SLC23A2: variants seen among roughly 807,000 people sequenced by gnomAD.
SLC23A2 encodes Na(+)/L-ascorbic acid transporter 2.
SLC23A2 carries 36 observed loss-of-function variants against 73.3 expected under a neutral mutation model. The ratio of observed to expected loss-of-function variants is 0.49; its 90% CI spans 0.38 to 0.65. The LOEUF is 0.65. Among genes scored for constraint, SLC23A2 ranks in the 30% least tolerant of loss-of-function variants. SLC23A2 has a pLI of 0.00. For synonymous variants in SLC23A2, 343 were observed against 327.3 expected, an observed-to-expected ratio of 1.05 and a Z score of -0.52; for missense variants, 507 against 841.6, an observed-to-expected ratio of 0.60 and a Z score of 4.92.
chr20:4,892,069 G>C (rs1032848379), intron 6 of SLC23A2, among the ~76,000 whole-genome samples: 9 of 151,498 alleles, frequency 5.9e-5, no homozygotes, highest in African/African-American at 1.9e-4. Flanking sequence ...ACAGTCTTAT[G>C]GTTAGTTTAC....
Position 4,912,980 on chromosome 20 carries a change from T to C in SLC23A2, c.109-2A>G. 6.2e-7 allele frequency: 1 copy of C among 1,600,222 alleles called. No individual in the cohort carries two copies. The highest frequency in any genetic ancestry group is 2.2e-5 in the East Asian group (1 of 44,808). On this transcript the variant is annotated splice_acceptor_variant, in intron 3 of 16. Transcript: ENST00000338244. LOFTEE classifies it high-confidence loss of function. ...GGTGGCGCCTCCATTTATCACCACC[T>C]GCAGAGACAATCCACTTAGAGGCTG... is the stretch of plus-strand genomic sequence containing the variant.
intron 3 of SLC23A2, among the ~76,000 whole-genome samples, chr20:4,921,357 C>T (rs114208932): frequency 2.0e-5 from 3 of 152,048 alleles, no homozygotes; most frequent in African/African-American, 7.2e-5. Context: ...TTTGGGAGAC[C>T]AATCACTTGA....
rs112220143 is a variant in SLC23A2, at chr20:4,854,206, C to T, written c.*2766G>A. On this transcript the variant is annotated 3_prime_UTR_variant, in exon 17 of 17. Transcript: ENST00000338244. ...GGGTGGTGGTTCAAAGCCCCAGCAA[C>T]GCAGGCCAATGATGTGAATGGGAAG... 3.9e-5 allele frequency: 6 copies of T among 152,200 alleles called. No individual in the cohort carries two copies. Among genetic ancestry groups the T allele is most frequent in the African/African-American group, 9.7e-5 (4 of 41,432 alleles). 9.4% of individuals were successfully genotyped at this position (152,200 alleles called of 1,614,324 possible).
intron 4 of SLC23A2, among the ~76,000 whole-genome samples, chr20:4,912,215 G>A (rs983069368): frequency 4.6e-5 from 7 of 151,768 alleles, no homozygotes; most frequent in African/African-American, 7.3e-5. Context: ...GAGATGGAAC[G>A]AGGCACAGAG....
At chr20:4,905,400 G>A (rs1471907042) in intron 4 of SLC23A2, among the ~76,000 whole-genome samples, 1 of 152,134 alleles carries the variant, frequency 6.6e-6, no homozygotes, top group East Asian at 1.9e-4. Flanking sequence ...TACGCACTGT[G>A]GCGCCACACT....
intron 1 of SLC23A2, among the ~76,000 whole-genome samples, chr20:4,988,876 A>G (rs1239779334): frequency 6.6e-6 from 1 of 151,852 alleles, no homozygotes; most frequent in African/African-American, 2.4e-5. Context: ...GCGCCATTGC[A>G]CTCCAGCTGA....
At chr20:4,898,506 C>T (rs1319771544) in intron 6 of SLC23A2, among the ~76,000 whole-genome samples, 2 of 152,220 alleles carry the variant, frequency 1.3e-5, no homozygotes, top group Non-Finnish European at 2.9e-5. Context: ...CCTTACTCAG[C>T]CTGTCTCTGA....
intron 2 of SLC23A2, among the ~76,000 whole-genome samples, chr20:4,960,885 T>C (rs1404464842): frequency 1.3e-5 from 2 of 152,226 alleles, no homozygotes; most frequent in Non-Finnish European, 2.9e-5. Flanking sequence ...TTTCATTCTT[T>C]AGTTTTCTTT....
chr20:4,881,320 A>AC (rs1189852978), intron 9 of SLC23A2, among the ~76,000 whole-genome samples: 1 of 152,156 alleles, frequency 6.6e-6, no homozygotes, highest in Admixed American at 6.5e-5. Context: ...GGAACTATCC[A>AC]CCATCAAAGA....
chr20:4,948,880 A>C (rs1420127483), intron 2 of SLC23A2, among the ~76,000 whole-genome samples: 1 of 152,224 alleles, frequency 6.6e-6, no homozygotes, highest in East Asian at 1.9e-4. Flanking sequence ...AGAATTAAAA[A>C]TATATCTGCA....
chr20:4,933,027 C>T (rs571082141), intron 2 of SLC23A2, among the ~76,000 whole-genome samples: 1 of 152,266 alleles, frequency 6.6e-6, no homozygotes, highest in South Asian at 2.1e-4. Context: ...CATAACCCAG[C>T]ACTACCTAAT....
intron 3 of SLC23A2, among the ~76,000 whole-genome samples, chr20:4,922,136 C>G (rs1416696966): frequency 1.3e-5 from 2 of 152,116 alleles, no homozygotes; most frequent in East Asian, 1.9e-4. Flanking sequence ...AACTAAGAAG[C>G]CTGCCTACCT....
rs3055958 is a variant in SLC23A2, at chr20:4,998,606, ATGAGG to A, written c.-282+2795_-282+2799del. Among the ~76,000 whole-genome samples, 48,998 of 151,570 alleles carry A rather than the reference ATGAGG, an allele frequency of 0.32. 8,629 individuals are homozygous for A. Among genetic ancestry groups the A allele is most frequent in the Admixed American group, 0.4 (6,080 of 15,174 alleles). On this transcript the variant is annotated intron_variant, in intron 1 of 16. Coordinates refer to ENST00000338244, the MANE Select transcript of SLC23A2 (RefSeq NM_005116.6). This position sits in a 1 kb window ranked among gnomAD's most constrained non-coding sequence, Gnocchi z 4.1. ...AATAGCAGGGCATGAAAATGAATTA[ATGAGG>A]TGAGGTTACTGGGCACTGGGAACCA... is the stretch of plus-strand genomic sequence containing the variant.
chr20:4,937,012 G>A (rs1471453328), intron 2 of SLC23A2, among the ~76,000 whole-genome samples: 2 of 152,168 alleles, frequency 1.3e-5, no homozygotes, highest in Non-Finnish European at 2.9e-5. Context: ...GAGGAAGAAC[G>A]AAGAAGGGGT....
chr20:4,920,081 T>C (rs886937507), intron 3 of SLC23A2, among the ~76,000 whole-genome samples: 5 of 152,092 alleles, frequency 3.3e-5, no homozygotes, highest in African/African-American at 1.2e-4. Flanking sequence ...GCCAACATGG[T>C]GAAACCCCAT....
rs929060234 is a variant in SLC23A2 at position 4,998,360 on chromosome 20, A to T, written c.-282+3046T>A. On this transcript the variant is annotated intron_variant, in intron 1 of 16. Coordinates refer to ENST00000338244, the MANE Select transcript of SLC23A2 (RefSeq NM_005116.6). The surrounding 1 kb of genome is among the most constrained non-coding windows in gnomAD (Gnocchi z 4.1). Reference sequence around the variant, plus strand: ...AATAAATGTATGAAAGGCCTATGAAAGGTGCAAGCTGAAAGCAGACCTCAA... The same window carrying T: ...AATAAATGTATGAAAGGCCTATGAATGGTGCAAGCTGAAAGCAGACCTCAA... Among the ~76,000 whole-genome samples the T allele has an allele frequency of 6.6e-6, 1 of 152,234 alleles. No individual in the cohort carries two copies. The highest frequency in any genetic ancestry group is 1.5e-5 in the Non-Finnish European group (1 of 68,040).
intron 1 of SLC23A2, among the ~76,000 whole-genome samples, chr20:4,996,707 A>C (rs890475980): frequency 2.1e-5 from 3 of 146,198 alleles, no homozygotes; most frequent in African/African-American, 5.0e-5. Context: ...AAAAAAAAAA[A>C]AACAACAACT....
At position 4,931,040 on chromosome 20, in the gene SLC23A2, T is replaced by G. The variant is rs573017071; in HGVS notation, c.108+1415A>C. Among the ~76,000 whole-genome samples the G allele has an allele frequency of 2.7e-5, 4 of 146,062 alleles. No homozygotes were observed. In the East Asian group the frequency reaches 7.9e-4, roughly 29 times the overall value. ...TTTTATTTTTTTCTTAAAATATATT[T>G]TTCTTAAAATAACTGTTATTTTTTT... On this transcript the variant is annotated intron_variant, in intron 3 of 16. Coordinates refer to ENST00000338244, the MANE Select transcript of SLC23A2 (RefSeq NM_005116.6).
At chr20:4,990,285 C>G (rs375168022) in intron 1 of SLC23A2, among the ~76,000 whole-genome samples, 9 of 152,100 alleles carry the variant, frequency 5.9e-5, no homozygotes, top group African/African-American at 2.2e-4. Context: ...TTCAGGAGAC[C>G]AAGGCAGAGG....
Sources: allele counts gnomAD v4.1 joint callset (sites outside exome capture counted in the v4.1 genomes callset), GRCh38; gene constraint gnomAD v4.1.1; non-coding constraint Gnocchi (gnomAD v3.1); transcripts MANE v1.5; gene names NCBI Gene and HGNC (gene_info 2026-07-23, HGNC 2026-07-21).